Variants in PTPRA observed in about 807,000 individuals in gnomAD.
PTPRA encodes the protein receptor-type tyrosine-protein phosphatase alpha.
A neutral mutation model predicts 104.8 loss-of-function variants in PTPRA; 25 were observed. The observed-to-expected ratio is 0.24, with a 90% CI of 0.17 to 0.33. The LOEUF is 0.33. Ranked by LOEUF, PTPRA falls within the 10% of genes least tolerant of loss-of-function variation. PTPRA has a pLI of 1.00. For synonymous variants in PTPRA, 323 were observed against 368.9 expected, an observed-to-expected ratio of 0.88 and a Z score of 1.43; for missense variants, 765 against 1,015.3, an observed-to-expected ratio of 0.75 and a Z score of 3.35.
intron 9 of PTPRA, among the ~76,000 whole-genome samples, chr20:2,989,869 T>C (rs552957711): frequency 6.6e-6 from 1 of 151,958 alleles, no homozygotes; most frequent in Non-Finnish European, 1.5e-5. Flanking sequence ...TACAAAAAAT[T>C]AGCTGGGCAT....
intron 1 of PTPRA, among the ~76,000 whole-genome samples, chr20:2,908,602 TGA>T (rs1039046403): frequency 3.9e-5 from 6 of 152,116 alleles, no homozygotes; most frequent in African/African-American, 1.4e-4. Flanking sequence ...CTTAAAAGCA[TGA>T]CATTCAGGCT....
chr20:3,021,408 C>T lies in PTPRA; in HGVS notation c.1141C>T (p.Arg381Trp), dbSNP rs904452321. The T allele has an allele frequency of 1.2e-6, 2 of 1,614,016 alleles. No individual in the cohort carries two copies. Among genetic ancestry groups the T allele is most frequent in the Non-Finnish European group, 1.7e-6 (2 of 1,179,930 alleles). Residue 381 changes from arginine (R) to tryptophan (W), a missense_variant, in exon 14 of 24, where the codon CGG becomes TGG. By Grantham distance (101) the Arg-to-Trp change is moderately radical. This residue lies in a region of PTPRA where 245 missense variants were observed against 398.7 expected (regional missense o/e 0.61). Transcript: ENST00000399903. ...DVTVLVDYTV[R>W]KFCIQQVGDM... ...GACTGTCCTGGTGGACTACACAGTACGGAAGTTCTGCATCCAGCAGGTAGT... is the reference window on the plus strand; with the variant it reads ...GACTGTCCTGGTGGACTACACAGTATGGAAGTTCTGCATCCAGCAGGTAGT...
chr20:2,997,420 T>G (rs969021174), intron 9 of PTPRA, among the ~76,000 whole-genome samples: 1 of 152,222 alleles, frequency 6.6e-6, no homozygotes, highest in African/African-American at 2.4e-5. Flanking sequence ...ATATAACATC[T>G]AGAATAAAGA....
intron 2 of PTPRA, among the ~76,000 whole-genome samples, chr20:2,931,018 T>A (rs2147503182): frequency 6.6e-6 from 1 of 152,334 alleles, no homozygotes; most frequent in Non-Finnish European, 1.5e-5. Flanking sequence ...GTTGGAGAGA[T>A]GTTAGCTGCA....
At chr20:2,911,477 A>T (rs2059720323) in intron 1 of PTPRA, among the ~76,000 whole-genome samples, 1 of 152,324 alleles carries the variant, frequency 6.6e-6, no homozygotes, top group South Asian at 2.1e-4. Context: ...CTTCTCTGCT[A>T]GTCTATGTTG....
chr20:2,866,400 A>T, the PTPRA span: 1 of 1,614,088 alleles, frequency 6.2e-7, no homozygotes, highest in South Asian at 1.1e-5. Context: ...AGCAGCCCCA[A>T]CACCACCTCC....
At chr20:2,904,895 C>T (rs191461515) in intron 1 of PTPRA, among the ~76,000 whole-genome samples, 15 of 152,086 alleles carry the variant, frequency 9.9e-5, no homozygotes, top group Admixed American at 5.9e-4. Context: ...GGGAAAAATA[C>T]GTAAAGATTT....
intron 1 of PTPRA, among the ~76,000 whole-genome samples, chr20:2,885,446 A>C (rs2090325748): frequency 6.6e-6 from 1 of 152,242 alleles, no homozygotes; most frequent in Non-Finnish European, 1.5e-5. Context: ...GGCATTGGTC[A>C]CCAGTGGCTG....
At chr20:3,019,816 A>C (rs1038217054) in intron 13 of PTPRA, among the ~76,000 whole-genome samples, 3 of 152,190 alleles carry the variant, frequency 2.0e-5, no homozygotes, top group Non-Finnish European at 2.9e-5. Context: ...CTCCGTCTGC[A>C]ATCCCGGCAC....
chr20:2,938,708 T>G (rs1253364764), intron 2 of PTPRA, among the ~76,000 whole-genome samples: 1 of 152,222 alleles, frequency 6.6e-6, no homozygotes, highest in African/African-American at 2.4e-5. Flanking sequence ...TTTCTTTTGC[T>G]GTTGAGCCCA....
chr20:2,924,207 G>T (rs35676594), intron 2 of PTPRA, among the ~76,000 whole-genome samples: 1 of 152,018 alleles, frequency 6.6e-6, no homozygotes, highest in African/African-American at 2.4e-5. Flanking sequence ...CAGTTGACCA[G>T]CCTGGTCAAC....
At chr20:3,017,993 T>C in intron 13 of PTPRA, 80 bp downstream of exon 13, 1 of 1,206,766 alleles carries the variant, frequency 8.3e-7, no homozygotes, top group Non-Finnish European at 1.2e-6. Context: ...CTGTCTATCC[T>C]TTGTGGGTGC....
intron 1 of PTPRA, among the ~76,000 whole-genome samples, chr20:2,922,635 C>T (rs1485179084): frequency 6.6e-6 from 1 of 151,216 alleles, no homozygotes; most frequent in Non-Finnish European, 1.5e-5. Flanking sequence ...AGCCACCGCA[C>T]CTGGCCTTAT....
intron 2 of PTPRA, among the ~76,000 whole-genome samples, chr20:2,946,625 G>T (rs958928740): frequency 6.6e-6 from 1 of 152,062 alleles, no homozygotes; most frequent in Non-Finnish European, 1.5e-5. Context: ...TGAGGCAGGC[G>T]GATCACAAGG....
In PTPRA at chr20:3,035,617, A is replaced by G. The variant is rs2065759191; in HGVS notation, c.1953A>G (p.Gly651=). ...EKCAQYWPSD[G]LVSYGDITVE... The stretch of plus-strand genomic sequence containing the variant: ...GTGCCCAGTACTGGCCATCTGATGG[A>G]CTGGTGTCCTATGGAGATATTACAG... Residue 651 remains glycine (G), a synonymous_variant, in exon 21 of 24, where the codon GGA becomes GGG. Transcript: ENST00000399903. This position sits in a 1 kb window ranked among gnomAD's most constrained non-coding sequence, Gnocchi z 5.8. The G allele has an allele frequency of 2.5e-6, 4 of 1,613,128 alleles. No individual in the cohort carries two copies. The highest frequency in any genetic ancestry group is 1.6e-4 in the Middle Eastern group (1 of 6,082).
At chr20:3,033,047 C>G (rs1206181766) in intron 20 of PTPRA, among the ~76,000 whole-genome samples, 1 of 151,958 alleles carries the variant, frequency 6.6e-6, no homozygotes, top group Non-Finnish European at 1.5e-5. Flanking sequence ...TGACCTCCTC[C>G]TCTAAAACAT....
At chr20:3,004,234 T>C (rs2063758408) in intron 9 of PTPRA, among the ~76,000 whole-genome samples, 1 of 152,074 alleles carries the variant, frequency 6.6e-6, no homozygotes, top group Non-Finnish European at 1.5e-5. Flanking sequence ...GCCAGGCTGG[T>C]CTCGAACTCC....
the PTPRA span, chr20:2,866,738 C>T: frequency 9.8e-3 from 10,487 of 1,066,580 alleles, 411 homozygotes; most frequent in Admixed American, 0.11. Context: ...CTTCACAGTG[C>T]TTGTCTTACA....
intron 9 of PTPRA, among the ~76,000 whole-genome samples, chr20:3,001,970 C>T (rs1363031280): frequency 1.3e-5 from 2 of 151,982 alleles, no homozygotes; most frequent in African/African-American, 4.8e-5. Flanking sequence ...TCCACCTCTA[C>T]AAAAATAAAA....
Sources: gnomAD v4.1 joint callset for allele counts (sites outside exome capture counted in the v4.1 genomes callset) on GRCh38, gnomAD v4.1.1 for gene constraint, gnomAD v4.1.1 regional missense constraint, Gnocchi (gnomAD v3.1) non-coding constraint, MANE v1.5 for transcripts, NCBI Gene and HGNC (gene_info 2026-07-23, HGNC 2026-07-21) for gene names.